GNL2: variants seen among roughly 807,000 people sequenced by gnomAD.
The protein encoded by GNL2 is nucleolar GTP-binding protein 2.
In GNL2, 51 loss-of-function variants were observed where a neutral mutation model predicts 92.3. The observed-to-expected ratio is 0.55, with a 90% confidence interval of 0.44 to 0.70. The LOEUF is 0.70. Among genes scored for constraint, GNL2 ranks in the 30% least tolerant of loss-of-function variants. The pLI, the probability that GNL2 is intolerant of heterozygous loss-of-function variation, is 0.00. For synonymous variants in GNL2, 283 were observed against 300.6 expected (o/e 0.94, Z 0.61); for missense variants, 844 against 895.6 (o/e 0.94, Z 0.74).
rs60523417 is a variant in GNL2, at chr1:37,582,207, G to C, written c.909+16C>G. ...CAGCTACACAACTCCAGGAGAAACA[G>C]ATCAGGGCTCAATACCTTTCCAAAC... On this transcript the variant is annotated intron_variant, in intron 8 of 15. Coordinates refer to ENST00000373062, the MANE Select transcript of GNL2 (RefSeq NM_013285.3). The C allele has an allele frequency of 1.4e-3, 2,192 of 1,526,980 alleles. 34 individuals carry two copies. The African/African-American group carries it at 0.027, about 19-fold the overall frequency. The allele number at this position is 1,526,980 out of a possible 1,614,324, so 94.6% of individuals were successfully genotyped here.
At chr1:37,567,865 T>C (rs1316429153) in intron 14 of GNL2, 101 bp from the exon 15 acceptor site, 1 of 875,638 alleles carries the variant, frequency 1.1e-6, no homozygotes, top group Non-Finnish European at 1.9e-6. Flanking sequence ...GGACACCCAA[T>C]GTGGACAGAG....
At position 37,581,667 on chromosome 1, in the gene GNL2, ATCT is replaced by A. The variant is rs113054028; in HGVS notation, c.909+553_909+555del. The A allele has an allele frequency of 3.2e-3, 1,170 of 366,856 alleles. 13 individuals carry two copies. Among genetic ancestry groups the A allele is most frequent in the South Asian group, 0.019 (943 of 49,686 alleles). The allele number at this position is 366,856 out of a possible 1,614,324, so 22.7% of individuals were successfully genotyped here. On this transcript the variant is annotated intron_variant, in intron 8 of 15. Coordinates refer to ENST00000373062, the MANE Select transcript of GNL2 (RefSeq NM_013285.3). ...TTTTTACATCTCTGGAAGTTTTTAC[ATCT>A]TCTTCTTCTTTTTTTGAGAAGTCTC...
At position 37,566,955 on chromosome 1, in the gene GNL2, T is replaced by C; in HGVS notation, c.2096A>G (p.Tyr699Cys). Residue 699 changes from tyrosine (Y) to cysteine (C), a missense_variant, in exon 16 of 16, where the codon TAT becomes TGT. By Grantham distance (194) the Tyr-to-Cys change is radical. Transcript: ENST00000373062. ...CCTATTTTTCACGTTGTGTGTTTCA[T>C]AGTAGCGCACACCAACTTTTTTCGG... ...QRPKKVGVRY[Y>C]ETHNVKNRNR... 7 of 1,614,030 alleles carry C rather than the reference T, an allele frequency of 4.3e-6. No individual in the cohort carries two copies. The highest frequency in any genetic ancestry group is 5.9e-6 in the Non-Finnish European group (7 of 1,179,906).
chr1:37,595,880 T>C lies in GNL2; in HGVS notation c.-58A>G. The C allele has an allele frequency of 6.8e-7, 1 of 1,479,468 alleles. No individual in the cohort carries two copies. The highest frequency in any genetic ancestry group is 1.4e-5 in the African/African-American group (1 of 72,414). 91.6% of individuals were successfully genotyped at this position (1,479,468 alleles called of 1,614,324 possible). On this transcript the variant is annotated 5_prime_UTR_variant, in exon 1 of 16. Coordinates refer to ENST00000373062, the MANE Select transcript of GNL2 (RefSeq NM_013285.3). ...TCCGGCTTACGTGGTGAAACAAACT[T>C]TTATGTTCCCAAGCCCGGCCGAAGA...
intron 1 of GNL2, 32 bp from the exon 2 acceptor site, chr1:37,593,878 T>G (rs1469967623): frequency 6.0e-6 from 9 of 1,496,976 alleles, no homozygotes; most frequent in Non-Finnish European, 8.4e-6. Context: ...AGTGCACTAT[T>G]TGATAACCAA....
At chr1:37,589,816 A>C (rs1643877308) in intron 4 of GNL2, among the ~76,000 whole-genome samples, 1 of 152,212 alleles carries the variant, frequency 6.6e-6, no homozygotes, top group Non-Finnish European at 1.5e-5. Context: ...TTAGCAATTG[A>C]CAACCAATGT....
chr1:37,572,904 A>G (rs991388120), intron 12 of GNL2, among the ~76,000 whole-genome samples: 2 of 152,212 alleles, frequency 1.3e-5, no homozygotes, highest in Admixed American at 6.5e-5. Flanking sequence ...TGGGACACTC[A>G]GCTGGTATCT....
At chr1:37,592,690 A>C in intron 3 of GNL2, 22 bp downstream of exon 3, 1 of 1,310,310 alleles carries the variant, frequency 7.6e-7, no homozygotes, top group Non-Finnish European at 1.1e-6. Flanking sequence ...TGTAGAGCAA[A>C]GTAACAGGGG....
intron 8 of GNL2, among the ~76,000 whole-genome samples, chr1:37,578,334 G>C (rs1395712796): frequency 6.6e-6 from 1 of 151,814 alleles, no homozygotes; most frequent in Non-Finnish European, 1.5e-5. Context: ...AGCTACTTGG[G>C]AGGCTGAAGC....
intron 4 of GNL2, among the ~76,000 whole-genome samples, chr1:37,589,223 A>G (rs951224797): frequency 2.0e-5 from 3 of 152,254 alleles, no homozygotes; most frequent in African/African-American, 7.2e-5. Context: ...AAAACAAAAC[A>G]TAACTGACAA....
intron 8 of GNL2, 59 bp downstream of exon 8, chr1:37,582,164 G>T (rs140155467): frequency 1.7e-6 from 2 of 1,164,502 alleles, no homozygotes; most frequent in African/African-American, 1.5e-5. Context: ...TGGCAAGACA[G>T]ATTCTTATAC....
chr1:37,593,920 G>A (rs1643905372), intron 1 of GNL2, 74 bp from the exon 2 acceptor site: 5 of 1,077,586 alleles, frequency 4.6e-6, no homozygotes, highest in Non-Finnish European at 5.5e-6. Flanking sequence ...TGCTTAAAAT[G>A]CAACAAGTAG....
intron 13 of GNL2, 69 bp from the exon 14 acceptor site, chr1:37,568,426 G>A (rs1643541679): frequency 6.1e-6 from 6 of 977,480 alleles, no homozygotes; most frequent in South Asian, 1.3e-5. Context: ...CTGGAGACCT[G>A]CGACAAACTC....
At chr1:37,576,605 C>T (rs1405382333) in intron 8 of GNL2, 49 bp from the exon 9 acceptor site, 1 of 1,576,614 alleles carries the variant, frequency 6.3e-7, no homozygotes, top group Admixed American at 1.8e-5. Context: ...ATATATATCC[C>T]TTTGGACAAG....
At chr1:37,577,332 A>G (rs1030156082) in intron 8 of GNL2, among the ~76,000 whole-genome samples, 3 of 152,184 alleles carry the variant, frequency 2.0e-5, no homozygotes, top group Admixed American at 6.5e-5. Context: ...TTACGACTAC[A>G]GGGTGAAAGT....
intron 8 of GNL2, 69 bp downstream of exon 8, chr1:37,582,154 T>C (rs1056812186): frequency 6.6e-6 from 7 of 1,065,298 alleles, no homozygotes; most frequent in Admixed American, 2.3e-5. Flanking sequence ...TGCTATGCCA[T>C]GGCAAGACAG....
intron 1 of GNL2, among the ~76,000 whole-genome samples, chr1:37,594,703 G>A (rs1643910920): frequency 6.6e-6 from 1 of 152,240 alleles, no homozygotes; most frequent in African/African-American, 2.4e-5. Flanking sequence ...CATCATGCCC[G>A]GCTAATCTTT....
Position 37,583,894 on chromosome 1 carries a change from G to C in GNL2, c.609C>G (p.Ser203=). ...TGTAGAGCTCACCCCATATTCTTTT[G>C]GACTGTCCCTTTTTATAGATCTCTT... ...AQEEIYKKGQ[S]KRIWGELYKV... The change falls in exon 6 of 16, where the codon TCC becomes TCG. Residue 203 remains serine, a synonymous_variant. Coordinates refer to ENST00000373062, the MANE Select transcript of GNL2 (RefSeq NM_013285.3). 1 of 1,588,976 alleles carries C rather than the reference G, an allele frequency of 6.3e-7. No individual in the cohort carries two copies. Among genetic ancestry groups the C allele is most frequent in the Non-Finnish European group, 8.6e-7 (1 of 1,156,958 alleles).
chr1:37,587,165 G>C, intron 5 of GNL2, 146 bp downstream of exon 5: 2 of 593,320 alleles, frequency 3.4e-6, no homozygotes, highest in South Asian at 4.5e-5. Context: ...TACTCAAAAG[G>C]CTGAGGCAGG....
Sources: allele counts gnomAD v4.1 joint callset (sites outside exome capture counted in the v4.1 genomes callset), GRCh38; gene constraint gnomAD v4.1.1; transcripts MANE v1.5; gene names NCBI Gene and HGNC (gene_info 2026-07-23, HGNC 2026-07-21).